Variants in SVOPL observed in about 807,000 individuals in gnomAD.
The protein encoded by SVOPL is SVOP like.
SVOPL carries 60 observed loss-of-function variants against 61.0 expected under a neutral mutation model. The ratio of observed to expected loss-of-function variants is 0.98; its 90% CI spans 0.80 to 1.22. The LOEUF (loss-of-function observed/expected upper bound fraction) is 1.22, where lower values mean the gene tolerates loss of function less well. Ranked by LOEUF, SVOPL falls within the 50% of genes most tolerant of loss-of-function variation. The probability of loss-of-function intolerance (pLI) is 0.00; values close to 1 mark genes in which losing one functional copy is unlikely to be tolerated. For missense variants in SVOPL, 662 were observed against 643.9 expected (o/e 1.03, Z -0.30); for synonymous variants, 279 against 250.0 (o/e 1.12, Z -1.09).
At chr7:138,637,857 C>T (rs972291613) in intron 9 of SVOPL, among the ~76,000 whole-genome samples, 2 of 152,066 alleles carry the variant, frequency 1.3e-5, no homozygotes, top group Admixed American at 6.6e-5. Flanking sequence ...GAGGCTGATG[C>T]AGGAGAATCG....
chr7:138,630,054 G>C lies in SVOPL; in HGVS notation c.858C>G (p.Val286=). Residue 286 remains valine (V), a synonymous_variant, in exon 10 of 16, where the codon GTC becomes GTG. Coordinates refer to ENST00000674285, the MANE Select transcript of SVOPL (RefSeq NM_001139456.2). The part of the protein sequence containing the change: ...KYLRTTLQIW[V]IWLGISFAYY... ...TGAAATCATTACACTCTTACCATATGACCCAGATCTGTAATGTGGTCCGTA... is the reference window on the plus strand; with the variant it reads ...TGAAATCATTACACTCTTACCATATCACCCAGATCTGTAATGTGGTCCGTA... 6.2e-7 allele frequency: 1 copy of C among 1,612,950 alleles called. No individual in the cohort carries two copies. Among genetic ancestry groups the C allele is most frequent in the Admixed American group, 1.7e-5 (1 of 59,998 alleles).
chr7:138,598,442 T>C (rs375437131), intron 14 of SVOPL, among the ~76,000 whole-genome samples: 2 of 152,214 alleles, frequency 1.3e-5, no homozygotes, highest in East Asian at 1.9e-4. Context: ...CAAATCAGCA[T>C]AGAATTTTAT....
intron 8 of SVOPL, among the ~76,000 whole-genome samples, chr7:138,647,102 G>A (rs1034179295): frequency 1.3e-5 from 2 of 152,210 alleles, no homozygotes; most frequent in South Asian, 2.1e-4. Flanking sequence ...ATGGCCGGGC[G>A]CAGTGGCTCA....
Position 138,644,785 on chromosome 7 carries a change from T to G in SVOPL, c.721A>C (p.Thr241Pro). 1 of 1,614,044 alleles carries G rather than the reference T, an allele frequency of 6.2e-7. No homozygotes were observed. The highest frequency in any genetic ancestry group is 8.5e-7 in the Non-Finnish European group (1 of 1,180,026). Residue 241 changes from threonine to proline, a missense_variant, in exon 9 of 16, where the codon ACT becomes CCT. By Grantham distance (38) the Thr-to-Pro change is conservative. Transcript: ENST00000674285. ...STGNTRAALA[T>P]LERVAKMNRS... ...TTCATCTTGGCAACGCGCTCCAGAG[T>G]GGCCAGGGCAGCCCGAGTGTTCCCA...
intron 9 of SVOPL, among the ~76,000 whole-genome samples, chr7:138,642,007 C>G (rs150049602): frequency 3.9e-4 from 58 of 149,062 alleles, no homozygotes; most frequent in African/African-American, 1.3e-3. Context: ...GTGACATTAA[C>G]AAGAAGTCCC....
intron 5 of SVOPL, 186 bp from the exon 6 acceptor site, chr7:138,660,174 A>G: frequency 7.3e-7 from 1 of 1,369,300 alleles, no homozygotes. Context: ...TACTGTCTGG[A>G]AGCCCAGACC....
chr7:138,678,048 C>G (rs765284845), intron 3 of SVOPL, among the ~76,000 whole-genome samples: 1 of 152,094 alleles, frequency 6.6e-6, no homozygotes, highest in Non-Finnish European at 1.5e-5. Context: ...TTGCAGGTGT[C>G]AGCCACCGTG....
chr7:138,598,073 T>G (rs1048655468), intron 14 of SVOPL, among the ~76,000 whole-genome samples: 2 of 152,214 alleles, frequency 1.3e-5, no homozygotes, highest in African/African-American at 4.8e-5. Flanking sequence ...CTAAAGTCAG[T>G]TTCTGTTGTC....
At chr7:138,615,959 A>G (rs1799280583) in intron 14 of SVOPL, among the ~76,000 whole-genome samples, 1 of 152,038 alleles carries the variant, frequency 6.6e-6, no homozygotes, top group South Asian at 2.1e-4. Flanking sequence ...AGCCCTCACT[A>G]GACCCAGTTT....
chr7:138,631,240 T>C (rs1800174904), intron 9 of SVOPL, among the ~76,000 whole-genome samples: 1 of 152,102 alleles, frequency 6.6e-6, no homozygotes, highest in Non-Finnish European at 1.5e-5. Flanking sequence ...TGTCTATTTA[T>C]GGGGGTACAT....
chr7:138,685,879 AT>A (rs200121873), intron 1 of SVOPL, among the ~76,000 whole-genome samples: 243 of 149,228 alleles, frequency 1.6e-3, no homozygotes, highest in African/African-American at 4.9e-3. Context: ...CAAAAAAAAA[AT>A]AAAATAAAAT....
At chr7:138,636,652 G>T (rs1800482944) in intron 9 of SVOPL, among the ~76,000 whole-genome samples, 1 of 151,970 alleles carries the variant, frequency 6.6e-6, no homozygotes, top group South Asian at 2.1e-4. Flanking sequence ...TGTATTTTTA[G>T]TAAAGACAGA....
intron 14 of SVOPL, among the ~76,000 whole-genome samples, chr7:138,610,763 T>C (rs1371293414): frequency 6.6e-6 from 1 of 152,198 alleles, no homozygotes; most frequent in Non-Finnish European, 1.5e-5. Flanking sequence ...CAGCCACCCT[T>C]GAAGGGCCTC....
At position 138,647,492 on chromosome 7, in the gene SVOPL, CATAGGAAAGACTTTAACAGCT is replaced by C. The variant is rs545913776; in HGVS notation, c.660+1499_660+1519del. On this transcript the variant is annotated intron_variant, in intron 8 of 15. Transcript: ENST00000674285. ...TTTATAGGGAGAAAATTCTGCTCAA[CATAGGAAAGACTTTAACAGCT>C]AGGGGTGCCTGGAGATGGGATATAC... Among the ~76,000 whole-genome samples, 30 of 152,148 alleles carry C rather than the reference CATAGGAAAGACTTTAACAGCT, an allele frequency of 2.0e-4. 1 individual carries two copies. In the South Asian group the frequency reaches 6.0e-3, roughly 31 times the overall value.
chr7:138,633,600 C>T (rs899031278), intron 9 of SVOPL, among the ~76,000 whole-genome samples: 1 of 152,148 alleles, frequency 6.6e-6, no homozygotes, highest in African/African-American at 2.4e-5. Flanking sequence ...TTAACAGTCA[C>T]CCAGTCTCAG....
intron 7 of SVOPL, 36 bp downstream of exon 7, chr7:138,656,412 A>T (rs750911000): frequency 6.2e-7 from 1 of 1,607,646 alleles, no homozygotes; most frequent in Non-Finnish European, 8.5e-7. Context: ...ATCCCATAGG[A>T]TGCCAAAGGC....
chr7:138,647,489 C>T (rs1295087336), intron 8 of SVOPL, among the ~76,000 whole-genome samples: 2 of 151,950 alleles, frequency 1.3e-5, no homozygotes, highest in African/African-American at 4.8e-5. Flanking sequence ...AAATTCTGCT[C>T]AACATAGGAA....
chr7:138,611,906 T>G (rs1343661204), intron 14 of SVOPL, among the ~76,000 whole-genome samples: 6 of 56,176 alleles, frequency 1.1e-4, no homozygotes, highest in South Asian at 7.8e-4. Context: ...GCCCAACAGC[T>G]CATTGAGAAC....
Position 138,701,246 on chromosome 7 carries a change from A to C in SVOPL, c.-103T>G, listed in dbSNP as rs1426545366. On this transcript the variant is annotated 5_prime_UTR_variant, in exon 1 of 16. Transcript: ENST00000674285. ...GCTCCCCTCACCGTGGCCAAGTCTT[A>C]GACGGAAATTGGAGCACAGATGGCT... 1.3e-5 allele frequency: 2 copies of C among 152,164 alleles called. No individual in the cohort carries two copies. The highest frequency in any genetic ancestry group is 2.9e-5 in the Non-Finnish European group (2 of 68,038). 9.4% of individuals were successfully genotyped at this position (152,164 alleles called of 1,614,324 possible). A position where few individuals can be genotyped will look rare whatever the true frequency, so the allele number is the denominator to read the frequency against.
Sources: allele counts gnomAD v4.1 joint callset (sites outside exome capture counted in the v4.1 genomes callset), GRCh38; gene constraint gnomAD v4.1.1; transcripts MANE v1.5; gene names NCBI Gene and HGNC (gene_info 2026-07-23, HGNC 2026-07-21).